Variants in RANBP3 observed in about 807,000 individuals in gnomAD.
RANBP3 encodes the protein RAN binding protein 3.
A neutral mutation model predicts 77.3 loss-of-function variants in RANBP3; 14 were observed. That is an observed-to-expected ratio of 0.18 (90% CI 0.12 to 0.28). The LOEUF (loss-of-function observed/expected upper bound fraction) is 0.28, where lower values mean the gene tolerates loss of function less well. Ranked by LOEUF, RANBP3 falls within the 10% of genes least tolerant of loss-of-function variation. The pLI, the probability that RANBP3 is intolerant of heterozygous loss-of-function variation, is 1.00. For synonymous variants in RANBP3, 315 were observed against 312.4 expected, an observed-to-expected ratio of 1.01 and a Z score of -0.09; for missense variants, 586 against 752.3, an observed-to-expected ratio of 0.78 and a Z score of 2.59.
At chr19:5,954,995 G>A (rs2058319014) in intron 2 of RANBP3, among the ~76,000 whole-genome samples, 1 of 152,238 alleles carries the variant, frequency 6.6e-6, no homozygotes, top group Non-Finnish European at 1.5e-5. Flanking sequence ...CAGCGACGGT[G>A]CCACAGAAGT....
In RANBP3 at chr19:5,932,435, G is replaced by C; in HGVS notation, c.565+17C>G. ...CCCTGCCGTCTGGGCCTGGGCGCCA[G>C]GGCTGCTGTTTCTTACCAGTCTGGG... On this transcript the variant is annotated intron_variant, in intron 7 of 16. Coordinates refer to ENST00000340578, the MANE Select transcript of RANBP3 (RefSeq NM_007322.3). 1 of 1,610,950 alleles carries C rather than the reference G, an allele frequency of 6.2e-7. No individual in the cohort carries two copies. Among genetic ancestry groups the C allele is most frequent in the Non-Finnish European group, 8.5e-7 (1 of 1,177,700 alleles).
chr19:5,959,223 C>T lies in RANBP3; in HGVS notation c.23-1250G>A, dbSNP rs919118493. 6.6e-6 allele frequency among the ~76,000 whole-genome samples: 1 copy of T among 152,064 alleles called. No homozygotes were observed. The highest frequency in any genetic ancestry group is 2.4e-5 in the African/African-American group (1 of 41,388). On this transcript the variant is annotated intron_variant, in intron 1 of 16. Coordinates refer to ENST00000340578, the MANE Select transcript of RANBP3 (RefSeq NM_007322.3). The surrounding 1 kb of genome is among the most constrained non-coding windows in gnomAD (Gnocchi z 5.1). ...CTTGCTGGGGAAATGTCATAAAAGGCAAGGGGATGCCTGGGGTTGGTTTAG... is the reference window on the plus strand; with the variant it reads ...CTTGCTGGGGAAATGTCATAAAAGGTAAGGGGATGCCTGGGGTTGGTTTAG...
intron 9 of RANBP3, 118 bp downstream of exon 9, chr19:5,927,850 A>G: frequency 1.5e-6 from 2 of 1,358,730 alleles, no homozygotes; most frequent in Non-Finnish European, 2.0e-6. Context: ...CTGCCTCGCT[A>G]ACACCTTCTT....
At chr19:5,930,859 G>A (rs756655254) in intron 8 of RANBP3, among the ~76,000 whole-genome samples, 8 of 152,184 alleles carry the variant, frequency 5.3e-5, no homozygotes, top group South Asian at 2.1e-4. Flanking sequence ...GTGAGCTACC[G>A]TGTCCGGCCT....
In RANBP3 at chr19:5,924,786, A is replaced by C. The variant is rs759271392; in HGVS notation, c.996+41T>G. 4 of 1,579,194 alleles carry C rather than the reference A, an allele frequency of 2.5e-6. No homozygotes were observed. The highest frequency in any genetic ancestry group is 1.3e-5 in the African/African-American group (1 of 74,152). The stretch of plus-strand genomic sequence containing the variant: ...CCCTTGACCTGTGGCTGGCGCCGAG[A>C]GCCTCTGGTCCCTGAGAACATTCCC... On this transcript the variant is annotated intron_variant, in intron 11 of 16. Transcript: ENST00000340578. This position sits in a 1 kb window ranked among gnomAD's most constrained non-coding sequence, Gnocchi z 4.7.
rs1017230755 is a variant in RANBP3 at position 5,924,734 on chromosome 19, C to T, written c.996+93G>A. The stretch of plus-strand genomic sequence containing the variant: ...GAAGGCATCCCCATCTCACATAGGA[C>T]GACACAGCAGCCCTGCTCTCCATGT... On this transcript the variant is annotated intron_variant, in intron 11 of 16. Transcript: ENST00000340578. The surrounding 1 kb of genome is among the most constrained non-coding windows in gnomAD (Gnocchi z 4.7). The T allele has an allele frequency of 1.1e-4, 147 of 1,291,956 alleles. No individual in the cohort carries two copies. The highest frequency in any genetic ancestry group is 1.5e-4 in the Non-Finnish European group (134 of 891,412). 80.0% of individuals were successfully genotyped at this position (1,291,956 alleles called of 1,614,324 possible). A position where few individuals can be genotyped will look rare whatever the true frequency, so the allele number is the denominator to read the frequency against.
intron 1 of RANBP3, among the ~76,000 whole-genome samples, chr19:5,972,457 C>T: frequency 6.6e-6 from 1 of 152,130 alleles, no homozygotes; most frequent in African/African-American, 2.4e-5. Flanking sequence ...GAACACCGCT[C>T]CACCAGGACC....
intron 1 of RANBP3, among the ~76,000 whole-genome samples, chr19:5,961,396 G>A (rs969231501): frequency 6.7e-6 from 1 of 149,102 alleles, no homozygotes; most frequent in Non-Finnish European, 1.5e-5. Context: ...GGGTGACAGA[G>A]CGAGATTCCA....
chr19:5,937,167 T>C (rs920482575), intron 5 of RANBP3, among the ~76,000 whole-genome samples: 3 of 139,160 alleles, frequency 2.2e-5, no homozygotes, highest in Non-Finnish European at 3.0e-5. Context: ...AGGGCAGGAG[T>C]GTGATGAGGT....
intron 3 of RANBP3, among the ~76,000 whole-genome samples, chr19:5,947,432 C>G (rs1417920843): frequency 6.6e-6 from 1 of 152,134 alleles, no homozygotes; most frequent in African/African-American, 2.4e-5. Flanking sequence ...GACATAAGAG[C>G]CCCATTTCCT....
At position 5,924,435 on chromosome 19, in the gene RANBP3, T is replaced by TGCTCAC. The variant is rs1200662041; in HGVS notation, c.996+386_996+391dup. Among the ~76,000 whole-genome samples, 4 of 152,250 alleles carry TGCTCAC rather than the reference T, an allele frequency of 2.6e-5. No homozygotes were observed. Among genetic ancestry groups the TGCTCAC allele is most frequent in the African/African-American group, 9.6e-5 (4 of 41,466 alleles). ...GCACCCAAGGCCTTGGCCGCGGTTA[T>TGCTCAC]GCTCACAGGAGCAGGGAGGCCAGCA... On this transcript the variant is annotated intron_variant, in intron 11 of 16. Transcript: ENST00000340578. The surrounding 1 kb of genome is among the most constrained non-coding windows in gnomAD (Gnocchi z 4.7).
In RANBP3 at chr19:5,917,514, GC is replaced by G; in HGVS notation, c.*95del. 1.4e-6 allele frequency: 2 copies of G among 1,388,316 alleles called. No individual in the cohort carries two copies. The highest frequency in any genetic ancestry group is 1.4e-5 in the South Asian group (1 of 72,628). The allele number at this position is 1,388,316 out of a possible 1,614,324, so 86.0% of individuals were successfully genotyped here. A position where few individuals can be genotyped will look rare whatever the true frequency, so the allele number is the denominator to read the frequency against. On this transcript the variant is annotated 3_prime_UTR_variant, in exon 17 of 17. Transcript: ENST00000340578. ...GGCCCAGTGGGGTGTGTGGTTCCCG[GC>G]CCCGCACCTGGACGCTGCCGGTGGG...
intron 3 of RANBP3, 147 bp downstream of exon 3, chr19:5,951,246 G>A: frequency 1.2e-6 from 1 of 809,368 alleles, no homozygotes; most frequent in Non-Finnish European, 2.0e-6. Context: ...ATTAAAGCGA[G>A]CTGGAAGAAA....
chr19:5,936,590 C>G (rs2058067760), intron 5 of RANBP3, among the ~76,000 whole-genome samples: 1 of 152,204 alleles, frequency 6.6e-6, no homozygotes, highest in African/African-American at 2.4e-5. Flanking sequence ...CCTGAAGAAC[C>G]AGCGTGCCTC....
intron 1 of RANBP3, among the ~76,000 whole-genome samples, chr19:5,972,408 G>A (rs553273080): frequency 6.6e-6 from 1 of 152,266 alleles, no homozygotes; most frequent in East Asian, 1.9e-4. Context: ...TGATGTCCCA[G>A]GCCACGTTAT....
intron 1 of RANBP3, chr19:5,974,387 ACT>A (rs2058564602): frequency 6.6e-6 from 1 of 152,028 alleles, no homozygotes; most frequent in Non-Finnish European, 1.5e-5. Context: ...CAGGGACAAA[ACT>A]CTGCCTTCAA....
At chr19:5,925,058 A>G (rs2057884453) in intron 10 of RANBP3, 153 bp from the exon 11 acceptor site, 1 of 732,300 alleles carries the variant, frequency 1.4e-6, no homozygotes, top group African/African-American at 1.7e-5. Context: ...GCAGGAAGCC[A>G]CACACCTCCC....
At chr19:5,957,669 T>C (rs1276762907) in intron 2 of RANBP3, among the ~76,000 whole-genome samples, 1 of 151,946 alleles carries the variant, frequency 6.6e-6, no homozygotes, top group Non-Finnish European at 1.5e-5. Flanking sequence ...AGCTTTCTAA[T>C]ACCGTTTCAA....
In RANBP3 at chr19:5,925,706, A is replaced by C. The variant is rs775002515; in HGVS notation, c.845T>G (p.Met282Arg). 1 of 1,613,202 alleles carries C rather than the reference A, an allele frequency of 6.2e-7. No homozygotes were observed. The highest frequency in any genetic ancestry group is 1.7e-5 in the Admixed American group (1 of 59,968). Residue 282 changes from methionine (M) to arginine (R), a missense_variant, in exon 10 of 17, where the codon ATG becomes AGG. Physicochemically the swap from Met to Arg is moderately conservative, Grantham distance 91. This residue lies in a region of RANBP3 where 232 missense variants were observed against 271.7 expected (regional missense o/e 0.85). Coordinates refer to ENST00000340578, the MANE Select transcript of RANBP3 (RefSeq NM_007322.3). ...TGCGCTGGGGTGTCCAGCATTCTCC[A>C]TGTCGGCTTCGTCCACGCTCTCATT... ...LINESVDEAD[M>R]ENAGHPSADT...
Sources: gnomAD v4.1 joint callset for allele counts (sites outside exome capture counted in the v4.1 genomes callset) on GRCh38, gnomAD v4.1.1 for gene constraint, gnomAD v4.1.1 regional missense constraint, Gnocchi (gnomAD v3.1) non-coding constraint, MANE v1.5 for transcripts, NCBI Gene and HGNC (gene_info 2026-07-23, HGNC 2026-07-21) for gene names.